SLC41A3: variants seen among roughly 807,000 people sequenced by gnomAD.
The protein encoded by SLC41A3 is SLC41A1-like 2.
Under a neutral mutation model 45.4 loss-of-function variants are expected in SLC41A3, and 44 were observed. That is an observed-to-expected ratio of 0.97 (90% CI 0.76 to 1.25). SLC41A3 has a LOEUF of 1.25. Among genes scored for constraint, SLC41A3 ranks in the 50% most tolerant of loss-of-function variants. SLC41A3 has a pLI of 0.00. For synonymous variants in SLC41A3, 256 were observed against 252.4 expected (o/e 1.01, Z -0.13); for missense variants, 550 against 600.6 (o/e 0.92, Z 0.88).
chr3:126,055,341 C>T (rs1018162555), intron 2 of SLC41A3, among the ~76,000 whole-genome samples: 12 of 151,830 alleles, frequency 7.9e-5, no homozygotes, highest in East Asian at 5.8e-4. Context: ...GGTGAAACCC[C>T]GTCTCTACTA....
At chr3:126,051,361 G>A (rs147826660) in intron 2 of SLC41A3, among the ~76,000 whole-genome samples, 23 of 152,286 alleles carry the variant, frequency 1.5e-4, no homozygotes, top group East Asian at 5.8e-4. Flanking sequence ...CACAGGTCCC[G>A]GATGAGAAAG....
chr3:126,071,877 C>A (rs1944636251), intron 1 of SLC41A3, among the ~76,000 whole-genome samples: 1 of 151,292 alleles, frequency 6.6e-6, no homozygotes, highest in Non-Finnish European at 1.5e-5. Context: ...CTCATGTAAT[C>A]CTCCCTTCTC....
chr3:126,014,202 A>G (rs1353428536), intron 8 of SLC41A3, among the ~76,000 whole-genome samples: 1 of 152,118 alleles, frequency 6.6e-6, no homozygotes, highest in African/African-American at 2.4e-5. Flanking sequence ...GGATGCAAAC[A>G]ATTGTCTTCA....
At chr3:126,080,004 A>G (rs997343893) in intron 1 of SLC41A3, among the ~76,000 whole-genome samples, 1 of 152,204 alleles carries the variant, frequency 6.6e-6, no homozygotes, top group Non-Finnish European at 1.5e-5. Context: ...GACTGGAAAA[A>G]CAGGATATCC....
chr3:126,041,742 C>A (rs1942608702), intron 3 of SLC41A3, among the ~76,000 whole-genome samples: 2 of 152,188 alleles, frequency 1.3e-5, no homozygotes, highest in Admixed American at 1.3e-4. Context: ...TAAAAGGAAG[C>A]TGACAAAGAG....
chr3:126,068,894 T>A (rs1462502614), intron 1 of SLC41A3, among the ~76,000 whole-genome samples: 1 of 151,988 alleles, frequency 6.6e-6, no homozygotes, highest in Non-Finnish European at 1.5e-5. Flanking sequence ...CCACTTGGAG[T>A]TCACCTGGTG....
intron 7 of SLC41A3, 41 bp downstream of exon 7, chr3:126,016,690 T>C: frequency 1.3e-6 from 2 of 1,581,932 alleles, no homozygotes; most frequent in Non-Finnish European, 1.7e-6. Context: ...CCTTCATGGC[T>C]GAGAGGAGGA....
rs1559870097 is a variant in SLC41A3, at chr3:126,059,307, A to AAAGAAAGAAAGAAAGAAAGG, written c.274-8258_274-8257insCCTTTCTTTCTTTCTTTCTT. Among the ~76,000 whole-genome samples, 391 of 59,374 alleles carry AAAGAAAGAAAGAAAGAAAGG rather than the reference A, an allele frequency of 6.6e-3. 65 individuals are homozygous for AAAGAAAGAAAGAAAGAAAGG. Among genetic ancestry groups the AAAGAAAGAAAGAAAGAAAGG allele is most frequent in the South Asian group, 0.01 (15 of 1,478 alleles). The allele number at this position is 59,374 out of a possible 152,430, so 39.0% of individuals were successfully genotyped here. A position where few individuals can be genotyped will look rare whatever the true frequency, so the allele number is the denominator to read the frequency against. The stretch of plus-strand genomic sequence containing the variant: ...GAAAGAAAGAAAGAAAGAAAGAAAG[A>AAAGAAAGAAAGAAAGAAAGG]AAGGAAGGATGATCTGTGATAAGTG... On this transcript the variant is annotated intron_variant, in intron 2 of 10. Coordinates refer to ENST00000360370, the MANE Select transcript of SLC41A3 (RefSeq NM_017836.4).
At chr3:126,086,585 G>A (rs1945399037), upstream of SLC41A3, among the ~76,000 whole-genome samples, 2 of 149,080 alleles carry the variant, frequency 1.3e-5, no homozygotes, top group Admixed American at 1.3e-4. Flanking sequence ...TGTTTAAATG[G>A]CAAATTAAAT....
At chr3:126,007,779 A>G (rs989678149) in intron 10 of SLC41A3, among the ~76,000 whole-genome samples, 6 of 152,116 alleles carry the variant, frequency 3.9e-5, no homozygotes, top group African/African-American at 1.2e-4. Flanking sequence ...TCAGGAACAT[A>G]CCACAATTAC....
intron 3 of SLC41A3, among the ~76,000 whole-genome samples, chr3:126,036,948 A>G (rs1294145325): frequency 2.0e-5 from 3 of 151,878 alleles, no homozygotes; most frequent in Non-Finnish European, 2.9e-5. Context: ...CCTGCACCCA[A>G]CCTCTCCTGA....
Position 126,082,962 on chromosome 3 carries a change from G to A in SLC41A3, c.-28+1131C>T, listed in dbSNP as rs139411245. 1.7e-3 allele frequency among the ~76,000 whole-genome samples: 259 copies of A among 152,350 alleles called. 1 individual carries two copies. Among genetic ancestry groups the A allele is most frequent in the African/African-American group, 6.1e-3 (254 of 41,580 alleles). ...GTTCTGGAGCCGGAACCCAAGGTTGGAATCCCAGCTCCTCCCCTTTCTAGG... is the reference window on the plus strand; with the variant it reads ...GTTCTGGAGCCGGAACCCAAGGTTGAAATCCCAGCTCCTCCCCTTTCTAGG... On this transcript the variant is annotated intron_variant, in intron 1 of 10. Coordinates refer to ENST00000360370, the MANE Select transcript of SLC41A3 (RefSeq NM_017836.4).
rs147476958 is a variant in SLC41A3 at position 126,072,652 on chromosome 3, G to A, written c.-27-4406C>T. Among the ~76,000 whole-genome samples the A allele has an allele frequency of 1.8e-4, 28 of 152,324 alleles. No individual in the cohort carries two copies. The East Asian group carries it at 3.7e-3, about 20-fold the overall frequency. The stretch of plus-strand genomic sequence containing the variant: ...GGTGAGGTTGTAGACAAAAGGGAAT[G>A]CTTATACACTGCTTGTGGGAATGTA... On this transcript the variant is annotated intron_variant, in intron 1 of 10. Coordinates refer to ENST00000360370, the MANE Select transcript of SLC41A3 (RefSeq NM_017836.4).
At chr3:126,043,354 G>A (rs1046396733) in intron 3 of SLC41A3, among the ~76,000 whole-genome samples, 1 of 152,010 alleles carries the variant, frequency 6.6e-6, no homozygotes, top group Non-Finnish European at 1.5e-5. Flanking sequence ...AAAGCTAAGG[G>A]AGTTCATTAT....
At chr3:126,069,357 C>A (rs1432241137) in intron 1 of SLC41A3, among the ~76,000 whole-genome samples, 2 of 152,094 alleles carry the variant, frequency 1.3e-5, no homozygotes, top group East Asian at 3.9e-4. Flanking sequence ...GCATGGAGTT[C>A]CAGGCACGGA....
At chr3:126,100,824 G>A (rs1945693571) in intron 1 of SLC41A3, among the ~76,000 whole-genome samples, 1 of 152,154 alleles carries the variant, frequency 6.6e-6, no homozygotes, top group African/African-American at 2.4e-5. Context: ...TTCACAGCCT[G>A]CAGTCTGGAT....
chr3:126,070,702 C>T (rs1944577656), intron 1 of SLC41A3, among the ~76,000 whole-genome samples: 1 of 152,090 alleles, frequency 6.6e-6, no homozygotes, highest in South Asian at 2.1e-4. Flanking sequence ...AGACACAGAG[C>T]ATTCGTCCCC....
chr3:126,050,291 C>T, intron 3 of SLC41A3, among the ~76,000 whole-genome samples: 1 of 152,216 alleles, frequency 6.6e-6, no homozygotes, highest in East Asian at 1.9e-4. Flanking sequence ...GAACACACCA[C>T]AACCTCCTCT....
At chr3:126,050,594 C>T (rs1374007073) in intron 3 of SLC41A3, among the ~76,000 whole-genome samples, 1 of 152,148 alleles carries the variant, frequency 6.6e-6, no homozygotes, top group African/African-American at 2.4e-5. Flanking sequence ...CATTGCTTGT[C>T]GTGGCTTCTG....
Sources: gnomAD v4.1 joint callset for allele counts (sites outside exome capture counted in the v4.1 genomes callset) on GRCh38, gnomAD v4.1.1 for gene constraint, MANE v1.5 for transcripts, NCBI Gene and HGNC (gene_info 2026-07-23, HGNC 2026-07-21) for gene names.